N4BP2: variants seen among roughly 807,000 people sequenced by gnomAD.
N4BP2 encodes the protein NEDD4-binding protein 2.
Under a neutral mutation model 152.8 loss-of-function variants are expected in N4BP2, and 91 were observed. The observed-to-expected ratio is 0.60, with a 90% CI of 0.50 to 0.71. N4BP2 has a LOEUF of 0.71. Ranked by LOEUF, N4BP2 falls within the 30% of genes least tolerant of loss-of-function variation. The probability of loss-of-function intolerance (pLI) is 0.00; values close to 1 mark genes in which losing one functional copy is unlikely to be tolerated. For missense variants in N4BP2, 1,923 were observed against 2,059.1 expected (o/e 0.93, Z 1.28); for synonymous variants, 646 against 705.3 (o/e 0.92, Z 1.33).
chr4:40,140,351 A>G (rs144165469), intron 14 of N4BP2, among the ~76,000 whole-genome samples: 1 of 152,302 alleles, frequency 6.6e-6, no homozygotes, highest in East Asian at 1.9e-4. Flanking sequence ...TGTACACAAG[A>G]TGATTATGAG....
chr4:40,097,636 A>G, intron 3 of N4BP2, 67 bp downstream of exon 3: 1 of 866,874 alleles, frequency 1.2e-6, no homozygotes, highest in Non-Finnish European at 1.8e-6. Flanking sequence ...TGCCATGATT[A>G]ATAGTAATAT....
chr4:40,162,912 G>T (rs945046873), downstream of N4BP2, among the ~76,000 whole-genome samples: 2 of 152,172 alleles, frequency 1.3e-5, no homozygotes, highest in African/African-American at 4.8e-5. Context: ...TTCAGTTCAA[G>T]TGTGAAGTTC....
chr4:40,100,998 G>C (rs1196104364), intron 3 of N4BP2, among the ~76,000 whole-genome samples: 1 of 152,158 alleles, frequency 6.6e-6, no homozygotes, highest in Non-Finnish European at 1.5e-5. Flanking sequence ...CCTCCTTCTA[G>C]GGAGAGCCAA....
intron 4 of N4BP2, among the ~76,000 whole-genome samples, chr4:40,104,845 C>T (rs1220642141): frequency 6.6e-6 from 1 of 150,936 alleles, no homozygotes; most frequent in Non-Finnish European, 1.5e-5. Context: ...TGCTCTGTCG[C>T]CCAGGCTAGA....
chr4:40,117,739 G>A, intron 7 of N4BP2, 130 bp from the exon 8 acceptor site: 1 of 610,272 alleles, frequency 1.6e-6, no homozygotes, highest in Non-Finnish European at 2.5e-6. Flanking sequence ...ATATATTGTG[G>A]TCACAATAAA....
chr4:40,132,596 C>T (rs1052443007), intron 13 of N4BP2, among the ~76,000 whole-genome samples: 2 of 151,992 alleles, frequency 1.3e-5, no homozygotes, highest in Non-Finnish European at 2.9e-5. Context: ...CCTGAGTTGC[C>T]ACCGTGTTGT....
intron 2 of N4BP2, among the ~76,000 whole-genome samples, chr4:40,084,044 C>T (rs1247899225): frequency 6.6e-6 from 1 of 152,164 alleles, no homozygotes; most frequent in Non-Finnish European, 1.5e-5. Context: ...ACTGCAACCT[C>T]CCCCTCCTGG....
the N4BP2 span, among the ~76,000 whole-genome samples, chr4:40,181,761 A>T: frequency 1.3e-5 from 2 of 152,238 alleles, 1 homozygote. Flanking sequence ...CAGCCTGGCC[A>T]ACATGGTGAA....
intron 13 of N4BP2, among the ~76,000 whole-genome samples, chr4:40,135,913 T>C (rs1719341299): frequency 6.6e-6 from 1 of 152,206 alleles, no homozygotes; most frequent in Admixed American, 6.5e-5. Context: ...AGTTCCTCAG[T>C]ATCTGGCCAA....
chr4:40,159,373 C>T (rs1048419847), downstream of N4BP2, among the ~76,000 whole-genome samples: 1 of 152,174 alleles, frequency 6.6e-6, no homozygotes, highest in African/African-American at 2.4e-5. Flanking sequence ...TTATTTCTTT[C>T]TTCCTATAAA....
rs17511668 is a variant in N4BP2, at chr4:40,102,147, G to A, written c.302G>A (p.Ser101Asn). ...AAGATAGAAGAATCATCTTCACAAA[G>A]TTTCGTTGCTTCTGAGAACCAAGTA... ...DTKIEESSSQ[S>N]FVASENQVGA... Residue 101 changes from serine (S) to asparagine (N), a missense_variant, in exon 4 of 18, where the codon AGT (serine) becomes AAT (asparagine). Coordinates refer to ENST00000261435, the MANE Select transcript of N4BP2 (RefSeq NM_018177.6). The A allele has an allele frequency of 3.7e-6, 6 of 1,613,134 alleles. No individual in the cohort carries two copies. In the African/African-American group the frequency reaches 6.7e-5, roughly 18 times the overall value.
chr4:40,174,896 A>T, the N4BP2 span, among the ~76,000 whole-genome samples: 2 of 133,686 alleles, frequency 1.5e-5, no homozygotes, highest in Non-Finnish European at 3.2e-5. Context: ...TATTCAGCCT[A>T]AAAAAAAAAA....
chr4:40,130,088 C>T (rs1718782669), intron 12 of N4BP2, among the ~76,000 whole-genome samples: 1 of 151,948 alleles, frequency 6.6e-6, no homozygotes, highest in Non-Finnish European at 1.5e-5. Flanking sequence ...CTGTGTTGCC[C>T]ATGCTGGAAT....
At chr4:40,083,269 C>G (rs1337567704) in intron 2 of N4BP2, among the ~76,000 whole-genome samples, 2 of 152,102 alleles carry the variant, frequency 1.3e-5, no homozygotes, top group South Asian at 4.1e-4. Context: ...TTTGGAAAAC[C>G]GTTTGGCAGT....
At chr4:40,071,123 G>A (rs1712130811) in intron 1 of N4BP2, among the ~76,000 whole-genome samples, 1 of 151,894 alleles carries the variant, frequency 6.6e-6, no homozygotes, top group Admixed American at 6.6e-5. Context: ...TAAATATATA[G>A]GTAGAACTGT....
At chr4:40,075,280 AGTATTGAT>A (rs1712619949) in intron 2 of N4BP2, among the ~76,000 whole-genome samples, 1 of 152,240 alleles carries the variant, frequency 6.6e-6, no homozygotes. Context: ...GATTATAGAC[AGTATTGAT>A]GTATTATACA....
rs746594751 is a variant in N4BP2 at position 40,144,663 on chromosome 4, C to A, written c.5006C>A (p.Ala1669Asp). ...CTTCATGAGCAGAAGATGAAAGAAGCCAATCACCTTGCTGCCATAGAGATC... is the reference window on the plus strand; with the variant it reads ...CTTCATGAGCAGAAGATGAAAGAAGACAATCACCTTGCTGCCATAGAGATC... ...GTLHEQKMKE[A>D]NHLAAIEIFE... is the part of the protein sequence containing the mutation. The change falls in exon 16 of 18, where the codon GCC (alanine) becomes GAC (aspartate). Residue 1669 changes from alanine to aspartate, a missense_variant. Coordinates refer to ENST00000261435, the MANE Select transcript of N4BP2 (RefSeq NM_018177.6). The A allele has an allele frequency of 6.2e-7, 1 of 1,613,056 alleles. No individual in the cohort carries two copies. The highest frequency in any genetic ancestry group is 1.1e-5 in the South Asian group (1 of 90,858).
chr4:40,088,338 A>G (rs977743629), intron 2 of N4BP2, among the ~76,000 whole-genome samples: 1 of 152,112 alleles, frequency 6.6e-6, no homozygotes, highest in Non-Finnish European at 1.5e-5. Flanking sequence ...TTGTATATTT[A>G]GTTTCTTTAA....
At chr4:40,169,891 G>C in the N4BP2 span, among the ~76,000 whole-genome samples, 1 of 150,784 alleles carries the variant, frequency 6.6e-6, no homozygotes, top group Non-Finnish European at 1.5e-5. Context: ...TTGAACCTGG[G>C]AGGCAGAGGT....
Sources: allele counts gnomAD v4.1 joint callset (sites outside exome capture counted in the v4.1 genomes callset), GRCh38; gene constraint gnomAD v4.1.1; transcripts MANE v1.5; gene names NCBI Gene and HGNC (gene_info 2026-07-23, HGNC 2026-07-21).